Variants in TENM2 observed in about 807,000 individuals in gnomAD.
The protein encoded by TENM2 is teneurin-2.
A neutral mutation model predicts 245.2 loss-of-function variants in TENM2; 52 were observed. The observed-to-expected ratio is 0.21, with a 90% CI of 0.17 to 0.27. The LOEUF is 0.27. TENM2 is among the 10% of genes least tolerant of loss of function. The probability of loss-of-function intolerance (pLI) is 1.00; values close to 1 mark genes in which losing one functional copy is unlikely to be tolerated. For synonymous variants in TENM2, 1,363 were observed against 1,438.9 expected, an observed-to-expected ratio of 0.95 and a Z score of 1.19; for missense variants, 3,046 against 3,666.8, an observed-to-expected ratio of 0.83 and a Z score of 4.37.
chr5:167,217,564 C>T, the TENM2 span, among the ~76,000 whole-genome samples: 1 of 151,960 alleles, frequency 6.6e-6, no homozygotes, highest in African/African-American at 2.4e-5. Context: ...TCATAAGCTG[C>T]AGGCACCTGT....
intron 2 of TENM2, among the ~76,000 whole-genome samples, chr5:167,381,879 C>T (rs1343927483): frequency 6.6e-6 from 1 of 152,122 alleles, no homozygotes; most frequent in Admixed American, 6.6e-5. Flanking sequence ...TTTTGCTCTA[C>T]TAAATTTCTA....
chr5:168,178,757 G>A (rs1363435168), intron 13 of TENM2, among the ~76,000 whole-genome samples: 2 of 152,342 alleles, frequency 1.3e-5, no homozygotes, highest in Non-Finnish European at 2.9e-5. Context: ...ATATATGGCT[G>A]TGACTGCTTC....
chr5:167,284,361 G>C (rs72829311), upstream of TENM2, among the ~76,000 whole-genome samples: 13,242 of 152,140 alleles, frequency 0.087, 767 homozygotes, highest in East Asian at 0.18. Context: ...CTTTTGGAGG[G>C]GGGGTGGTAT....
intron 2 of TENM2, among the ~76,000 whole-genome samples, chr5:167,514,370 A>G (rs1770170098): frequency 1.3e-5 from 2 of 152,158 alleles, no homozygotes; most frequent in South Asian, 2.1e-4. Context: ...AGCACTTCCT[A>G]AGCTCTCTGC....
intron 13 of TENM2, among the ~76,000 whole-genome samples, chr5:168,172,717 G>A (rs1017959007): frequency 2.6e-5 from 4 of 152,150 alleles, no homozygotes; most frequent in African/African-American, 4.8e-5. Context: ...TTTTCCCTCC[G>A]GTTTTGGATT....
At chr5:167,178,186 G>T in the TENM2 span, among the ~76,000 whole-genome samples, 1 of 152,130 alleles carries the variant, frequency 6.6e-6, no homozygotes, top group Non-Finnish European at 1.5e-5. Context: ...ACAAAAGCTG[G>T]CTTTTTAAAA....
chr5:168,122,798 C>G (rs1160130971), intron 10 of TENM2, among the ~76,000 whole-genome samples: 1 of 151,884 alleles, frequency 6.6e-6, no homozygotes, highest in Non-Finnish European at 1.5e-5. Context: ...TGAGAATATC[C>G]AAATGGGATC....
intron 2 of TENM2, among the ~76,000 whole-genome samples, chr5:167,485,085 T>C (rs192247104): frequency 7.0e-4 from 107 of 152,202 alleles, no homozygotes; most frequent in African/African-American, 2.5e-3. Flanking sequence ...CTCCCGAGGG[T>C]TGAGGTCTTC....
At chr5:167,324,022 TTCG>T (rs1244739956) in intron 1 of TENM2, among the ~76,000 whole-genome samples, 1 of 152,208 alleles carries the variant, frequency 6.6e-6, no homozygotes, top group Non-Finnish European at 1.5e-5. Context: ...TGAGTTTGAA[TTCG>T]TCTTAGCCGT....
chr5:167,876,149 A>G, exon 3 of TENM2: 5 of 1,551,650 alleles, frequency 3.2e-6, no homozygotes, highest in East Asian at 2.4e-5. Flanking sequence ...CCCCCAATTC[A>G]TACCTGCTCA....
In TENM2 at chr5:167,543,877, A is replaced by G. The variant is rs75187508; in HGVS notation, c.502+168404A>G. 1.9e-3 allele frequency among the ~76,000 whole-genome samples: 285 copies of G among 152,240 alleles called. 1 individual carries two copies. The highest frequency in any genetic ancestry group is 6.7e-3 in the African/African-American group (277 of 41,566). On this transcript the variant is annotated intron_variant, in intron 2 of 28. Transcript: ENST00000518659. Reference sequence around the variant, plus strand: ...TGTGACATTCTCTTCCTGTGTCTTAACATCATCTTCCTATAAGGACATAAG... The same window carrying G: ...TGTGACATTCTCTTCCTGTGTCTTAGCATCATCTTCCTATAAGGACATAAG...
chr5:167,199,473 T>G, the TENM2 span, among the ~76,000 whole-genome samples: 1 of 152,088 alleles, frequency 6.6e-6, no homozygotes, highest in Non-Finnish European at 1.5e-5. Flanking sequence ...TCAGAGGCTT[T>G]TTAATTCCAC....
At chr5:167,601,292 C>T (rs1776618262) in intron 2 of TENM2, among the ~76,000 whole-genome samples, 2 of 152,246 alleles carry the variant, frequency 1.3e-5, no homozygotes, top group South Asian at 4.1e-4. Flanking sequence ...TAGGCACTAG[C>T]CACATTTAGC....
chr5:167,646,882 A>C (rs1780004043), intron 2 of TENM2, among the ~76,000 whole-genome samples: 1 of 152,178 alleles, frequency 6.6e-6, no homozygotes, highest in Non-Finnish European at 1.5e-5. Context: ...ATCTTTTCTG[A>C]AAGTTTGGGT....
At chr5:166,981,846 A>C in the TENM2 span, among the ~76,000 whole-genome samples, 15,924 of 152,186 alleles carry the variant, frequency 0.1, 986 homozygotes, top group Non-Finnish European at 0.14. Flanking sequence ...ATTTGTGTTA[A>C]AATATTAAAC....
chr5:167,721,650 A>G (rs1759640395), intron 2 of TENM2, among the ~76,000 whole-genome samples: 1 of 152,152 alleles, frequency 6.6e-6, no homozygotes, highest in Non-Finnish European at 1.5e-5. Context: ...CCCCACTTAG[A>G]AGGACATGTG....
intron 1 of TENM2, among the ~76,000 whole-genome samples, chr5:167,347,017 G>A (rs1035982684): frequency 1.3e-5 from 2 of 151,680 alleles, no homozygotes; most frequent in Admixed American, 6.6e-5. Flanking sequence ...GAAGTAATCC[G>A]GACACCTTGG....
chr5:167,718,222 T>C (rs1759396089), intron 2 of TENM2, among the ~76,000 whole-genome samples: 1 of 152,222 alleles, frequency 6.6e-6, no homozygotes, highest in South Asian at 2.1e-4. Flanking sequence ...CATGTCTTCC[T>C]AATTGACTCC....
chr5:168,208,619 GC>G (rs1233500452), intron 19 of TENM2, among the ~76,000 whole-genome samples: 10 of 152,222 alleles, frequency 6.6e-5, no homozygotes, highest in Admixed American at 5.9e-4. Context: ...GAACGGAAAT[GC>G]TTTTCCTATG....
Sources: gnomAD v4.1 joint callset for allele counts (sites outside exome capture counted in the v4.1 genomes callset) on GRCh38, gnomAD v4.1.1 for gene constraint, MANE v1.5 for transcripts, NCBI Gene and HGNC (gene_info 2026-07-23, HGNC 2026-07-21) for gene names.